The following TENM2 variants were observed in gnomAD, a reference collection of about 807,000 sequenced individuals.
The protein encoded by TENM2 is teneurin-2.
A neutral mutation model predicts 245.2 loss-of-function variants in TENM2; 52 were observed. The observed-to-expected ratio is 0.21, with a 90% CI of 0.17 to 0.27. The LOEUF (loss-of-function observed/expected upper bound fraction) is 0.27. Among genes scored for constraint, TENM2 ranks in the 10% least tolerant of loss-of-function variants. TENM2 has a pLI of 1.00. For synonymous variants in TENM2, 1,363 were observed against 1,438.9 expected, an observed-to-expected ratio of 0.95 and a Z score of 1.19; for missense variants, 3,046 against 3,666.8, an observed-to-expected ratio of 0.83 and a Z score of 4.37.
chr5:167,757,553 C>T (rs942892208), intron 2 of TENM2, among the ~76,000 whole-genome samples: 2 of 152,122 alleles, frequency 1.3e-5, no homozygotes, highest in African/African-American at 2.4e-5. Flanking sequence ...AATAAACATA[C>T]GTGTGCATGT....
At chr5:167,455,719 G>A (rs561693304) in intron 2 of TENM2, among the ~76,000 whole-genome samples, 1 of 152,196 alleles carries the variant, frequency 6.6e-6, no homozygotes, top group East Asian at 1.9e-4. Flanking sequence ...TTCTCCTTGG[G>A]TTTATATAGC....
chr5:167,093,265 G>A, the TENM2 span, among the ~76,000 whole-genome samples: 7 of 152,170 alleles, frequency 4.6e-5, no homozygotes, highest in African/African-American at 9.7e-5. Flanking sequence ...AGGATTCCAC[G>A]GATACAAGAG....
chr5:167,350,466 G>A (rs1394064236), intron 1 of TENM2, among the ~76,000 whole-genome samples: 5 of 147,298 alleles, frequency 3.4e-5, no homozygotes, highest in South Asian at 2.1e-4. Context: ...CCATATATAT[G>A]GGGTATATGT....
At chr5:167,850,552 A>G (rs2151205325) in intron 2 of TENM2, among the ~76,000 whole-genome samples, 1 of 152,358 alleles carries the variant, frequency 6.6e-6, no homozygotes, top group African/African-American at 2.4e-5. Flanking sequence ...TTAAAATGAG[A>G]AATTTTTAAA....
chr5:167,163,156 G>T, the TENM2 span, among the ~76,000 whole-genome samples: 3 of 152,194 alleles, frequency 2.0e-5, no homozygotes, highest in Admixed American at 2.0e-4. Flanking sequence ...AAGCTGGAAT[G>T]CAGTGGTACA....
chr5:167,866,904 T>C (rs1194293449), intron 2 of TENM2, among the ~76,000 whole-genome samples: 1 of 152,214 alleles, frequency 6.6e-6, no homozygotes, highest in East Asian at 1.9e-4. Context: ...GTTTTTCAGT[T>C]GTGCTAGCCA....
intron 7 of TENM2, among the ~76,000 whole-genome samples, chr5:168,075,830 A>G (rs758967219): frequency 3.3e-5 from 5 of 152,244 alleles, no homozygotes; most frequent in Non-Finnish European, 4.4e-5. Context: ...AAGGAGAAGT[A>G]AAGGCACATC....
At chr5:167,490,901 G>A (rs1473860680) in intron 2 of TENM2, among the ~76,000 whole-genome samples, 2 of 152,134 alleles carry the variant, frequency 1.3e-5, no homozygotes, top group East Asian at 3.9e-4. Flanking sequence ...ATCCAAAGTT[G>A]TCCTTAAGCT....
chr5:167,867,579 C>T (rs1375277203), intron 2 of TENM2, among the ~76,000 whole-genome samples: 15 of 152,224 alleles, frequency 9.9e-5, no homozygotes, highest in African/African-American at 3.1e-4. Context: ...ACTGGGCTTT[C>T]GTGGGTTCAG....
chr5:168,102,883 A>AT (rs913241129), intron 9 of TENM2, among the ~76,000 whole-genome samples: 13 of 152,118 alleles, frequency 8.5e-5, no homozygotes, highest in African/African-American at 2.4e-4. Context: ...GGTAAATTCT[A>AT]TTTTTTTTAA....
At chr5:167,493,737 G>A (rs1459950183) in intron 2 of TENM2, among the ~76,000 whole-genome samples, 1 of 152,000 alleles carries the variant, frequency 6.6e-6, no homozygotes, top group Non-Finnish European at 1.5e-5. Context: ...ATATACACAC[G>A]TTTCTGTAGG....
At chr5:167,155,937 G>A in the TENM2 span, among the ~76,000 whole-genome samples, 3 of 152,200 alleles carry the variant, frequency 2.0e-5, no homozygotes, top group African/African-American at 7.2e-5. Context: ...CTGTATTTCA[G>A]TAACTGCTTC....
At chr5:167,761,469 A>G (rs966258922) in intron 2 of TENM2, among the ~76,000 whole-genome samples, 19 of 152,106 alleles carry the variant, frequency 1.2e-4, no homozygotes, top group African/African-American at 4.1e-4. Flanking sequence ...CCAATATTAT[A>G]TTTCTCCACA....
At chr5:168,178,368 G>A (rs1759540632) in intron 13 of TENM2, among the ~76,000 whole-genome samples, 2 of 152,210 alleles carry the variant, frequency 1.3e-5, no homozygotes, top group South Asian at 2.1e-4. Flanking sequence ...GGAACAGCAG[G>A]CAGAGGGCAA....
chr5:168,055,300 A>G (rs3860783), intron 6 of TENM2, among the ~76,000 whole-genome samples: 26,669 of 152,212 alleles, frequency 0.18, 2,424 homozygotes, highest in Middle Eastern at 0.26. Context: ...GCATGGAAGT[A>G]TGAATGAATG....
intron 28 of TENM2, among the ~76,000 whole-genome samples, chr5:168,261,735 G>A (rs914980214): frequency 2.6e-5 from 4 of 152,166 alleles, no homozygotes; most frequent in African/African-American, 9.7e-5. Context: ...GCATGACCCG[G>A]TAAGTGTGTA....
At chr5:168,256,570 T>C (rs927866864) in intron 27 of TENM2, among the ~76,000 whole-genome samples, 1 of 152,070 alleles carries the variant, frequency 6.6e-6, no homozygotes, top group African/African-American at 2.4e-5. Context: ...GGATTACAGC[T>C]GCGTGCACCA....
At chr5:167,294,046 A>G (rs892715035) in intron 1 of TENM2, among the ~76,000 whole-genome samples, 4 of 151,816 alleles carry the variant, frequency 2.6e-5, no homozygotes, top group African/African-American at 9.7e-5. Flanking sequence ...TGGTAACTTT[A>G]TTTGCAAAGC....
chr5:167,360,192 C>A (rs1759621939), intron 1 of TENM2, among the ~76,000 whole-genome samples: 1 of 152,252 alleles, frequency 6.6e-6, no homozygotes, highest in African/African-American at 2.4e-5. Context: ...AAAAATTAAA[C>A]CCATTATATC....
Sources: gnomAD v4.1 joint callset for allele counts (sites outside exome capture counted in the v4.1 genomes callset) on GRCh38, gnomAD v4.1.1 for gene constraint, MANE v1.5 for transcripts, NCBI Gene and HGNC (gene_info 2026-07-23, HGNC 2026-07-21) for gene names.